Variants in STEAP1B observed in about 807,000 individuals in gnomAD.
STEAP1B encodes STEAP family member 1B.
Under a neutral mutation model 27.9 loss-of-function variants are expected in STEAP1B, and 13 were observed. That is an observed-to-expected ratio of 0.47 (90% CI 0.30 to 0.74). The LOEUF (loss-of-function observed/expected upper bound fraction) is 0.74, where lower values mean the gene tolerates loss of function less well. Ranked by LOEUF, STEAP1B falls within the 30% of genes least tolerant of loss-of-function variation. The pLI, the probability that STEAP1B is intolerant of heterozygous loss-of-function variation, is 0.06. For synonymous variants in STEAP1B, 86 were observed against 107.1 expected (o/e 0.80, Z 1.22); for missense variants, 250 against 298.7 (o/e 0.84, Z 1.20).
Position 22,450,190 on chromosome 7 carries a change from TCAAGTGCTTGTGGAGTATCAC to T in STEAP1B, c.763-30375_763-30355del, listed in dbSNP as rs1298808520. On this transcript the variant is annotated intron_variant, in intron 4 of 4. Coordinates refer to ENST00000678116, the MANE Select transcript of STEAP1B (RefSeq NM_001382447.1). ...GTTGCCTGTGCTTGTGGAGTATTAC[TCAAGTGCTTGTGGAGTATCAC>T]TCAAGTGCTTGTGGAGTATTACTCA... Among the ~76,000 whole-genome samples, 760 of 148,324 alleles carry T rather than the reference TCAAGTGCTTGTGGAGTATCAC, an allele frequency of 5.1e-3. 4 individuals carry two copies. The highest frequency in any genetic ancestry group is 0.019 in the African/African-American group (723 of 37,894).
chr7:22,479,720 T>C (rs1786035402), intron 4 of STEAP1B, among the ~76,000 whole-genome samples: 1 of 133,214 alleles, frequency 7.5e-6, no homozygotes, highest in Non-Finnish European at 1.5e-5. Context: ...ACTCCCACTC[T>C]GTTACCCAGG....
chr7:22,435,330 A>G (rs10250954), intron 4 of STEAP1B, among the ~76,000 whole-genome samples: 42,416 of 151,710 alleles, frequency 0.28, 6,999 homozygotes, highest in Non-Finnish European at 0.35. Flanking sequence ...AGCAGCTCAA[A>G]CAGAAGCACC....
chr7:22,488,718 C>T (rs1032452683), intron 4 of STEAP1B, among the ~76,000 whole-genome samples: 1 of 152,228 alleles, frequency 6.6e-6, no homozygotes, highest in East Asian at 1.9e-4. Context: ...GAAACCACTG[C>T]TGACTGGCAC....
At chr7:22,466,260 GATTTGTTACA>G (rs1236898627) in intron 4 of STEAP1B, among the ~76,000 whole-genome samples, 1 of 152,098 alleles carries the variant, frequency 6.6e-6, no homozygotes, top group Non-Finnish European at 1.5e-5. Flanking sequence ...TAGATGTTCA[GATTTGTTACA>G]TGGATAAATT....
At chr7:22,484,849 T>G (rs1013473976) in intron 4 of STEAP1B, among the ~76,000 whole-genome samples, 1 of 152,214 alleles carries the variant, frequency 6.6e-6, no homozygotes, top group Non-Finnish European at 1.5e-5. Context: ...CCAGTCCTCA[T>G]GGATGACTTT....
intron 4 of STEAP1B, among the ~76,000 whole-genome samples, chr7:22,432,635 G>A (rs978583665): frequency 1.3e-5 from 2 of 152,114 alleles, no homozygotes; most frequent in African/African-American, 2.4e-5. Flanking sequence ...TGTGATAGCA[G>A]CCTGAACAAA....
chr7:22,497,835 T>A (rs1562588058), intron 1 of STEAP1B, among the ~76,000 whole-genome samples: 1 of 152,184 alleles, frequency 6.6e-6, no homozygotes, highest in Non-Finnish European at 1.5e-5. Flanking sequence ...GGGCTTATAG[T>A]CATGGTGGAA....
At position 22,496,303 on chromosome 7, in the gene STEAP1B, T is replaced by C. The variant is rs182731451; in HGVS notation, c.-31-1417A>G. Among the ~76,000 whole-genome samples, 227 of 152,056 alleles carry C rather than the reference T, an allele frequency of 1.5e-3. 1 individual carries two copies. The highest frequency in any genetic ancestry group is 2.2e-3 in the Non-Finnish European group (149 of 67,968). On this transcript the variant is annotated intron_variant, in intron 1 of 4. Transcript: ENST00000678116. ...TAAGCTAAGTGTTATTACAAAAGAG[T>C]AAAAACAATAAGTTAATAAAGTAAA...
At chr7:22,495,746 A>G (rs1786429163) in intron 1 of STEAP1B, among the ~76,000 whole-genome samples, 1 of 152,132 alleles carries the variant, frequency 6.6e-6, no homozygotes, top group South Asian at 2.1e-4. Flanking sequence ...TCTGAATTTT[A>G]GACCACGTGT....
intron 4 of STEAP1B, among the ~76,000 whole-genome samples, chr7:22,451,560 G>A (rs1227695215): frequency 6.6e-6 from 1 of 152,170 alleles, no homozygotes; most frequent in African/African-American, 2.4e-5. Context: ...TTTATGTTGA[G>A]GTATATTTTA....
In STEAP1B at chr7:22,492,349, G is replaced by GAAA. The variant is rs1371957621; in HGVS notation, c.762+215_762+216insTTT. On this transcript the variant is annotated intron_variant, in intron 4 of 4. Coordinates refer to ENST00000678116, the MANE Select transcript of STEAP1B (RefSeq NM_001382447.1). ...AAAAAAAAAAAAAAAAAAAAAAAAG[G>GAAA]ATATTTTAATGCTTTTTATTTATGT... 2.2e-4 allele frequency: 40 copies of GAAA among 185,078 alleles called. 1 individual carries two copies. Among genetic ancestry groups the GAAA allele is most frequent in the African/African-American group, 1.2e-3 (39 of 32,800 alleles). 11.5% of individuals were successfully genotyped at this position (185,078 alleles called of 1,614,324 possible). A position where few individuals can be genotyped will look rare whatever the true frequency, so the allele number is the denominator to read the frequency against.
intron 4 of STEAP1B, among the ~76,000 whole-genome samples, chr7:22,455,946 G>C (rs112649033): frequency 0.03 from 4,561 of 152,250 alleles, 151 homozygotes; most frequent in Admixed American, 0.089. Context: ...AGGAGATCAA[G>C]ACCATCCTGG....
At chr7:22,473,100 A>G (rs1785912619) in intron 4 of STEAP1B, among the ~76,000 whole-genome samples, 1 of 152,182 alleles carries the variant, frequency 6.6e-6, no homozygotes, top group African/African-American at 2.4e-5. Context: ...GAGGAAAGAA[A>G]GATGAAAAAT....
At chr7:22,427,757 G>A (rs1259100807) in intron 4 of STEAP1B, among the ~76,000 whole-genome samples, 1 of 152,206 alleles carries the variant, frequency 6.6e-6, no homozygotes, top group Non-Finnish European at 1.5e-5. Flanking sequence ...GTACCTTTGA[G>A]AGGCTCGATC....
chr7:22,487,613 T>C (rs1786234783), intron 4 of STEAP1B, among the ~76,000 whole-genome samples: 1 of 151,684 alleles, frequency 6.6e-6, no homozygotes, highest in Non-Finnish European at 1.5e-5. Context: ...AAGACCAGCC[T>C]GACCAACGTG....
chr7:22,421,603 A>G (rs1430481060), intron 4 of STEAP1B, among the ~76,000 whole-genome samples: 1 of 152,222 alleles, frequency 6.6e-6, no homozygotes, highest in Non-Finnish European at 1.5e-5. Flanking sequence ...TCAGTTCTGT[A>G]TATTTACTTT....
intron 3 of STEAP1B, 124 bp from the exon 4 acceptor site, chr7:22,492,853 T>C: frequency 7.1e-7 from 1 of 1,411,758 alleles, no homozygotes; most frequent in African/African-American, 1.5e-5. Context: ...CACAAATTTA[T>C]GACTTTTTCT....
At chr7:22,455,035 T>G (rs1785556929) in intron 4 of STEAP1B, among the ~76,000 whole-genome samples, 1 of 151,706 alleles carries the variant, frequency 6.6e-6, no homozygotes, top group African/African-American at 2.4e-5. Flanking sequence ...GCTACCCTTT[T>G]TGTATTTTTA....
intron 4 of STEAP1B, among the ~76,000 whole-genome samples, chr7:22,446,450 G>A (rs1452902238): frequency 2.0e-5 from 3 of 152,164 alleles, no homozygotes; most frequent in East Asian, 1.9e-4. Flanking sequence ...AGACAGAATC[G>A]GGAACTTTGG....
Sources: allele counts gnomAD v4.1 joint callset (sites outside exome capture counted in the v4.1 genomes callset), GRCh38; gene constraint gnomAD v4.1.1; transcripts MANE v1.5; gene names NCBI Gene and HGNC (gene_info 2026-07-23, HGNC 2026-07-21).